The following SYN3 variants were observed in gnomAD, a reference collection of about 807,000 sequenced individuals.
SYN3 encodes the protein synapsin III.
SYN3 carries 35 observed loss-of-function variants against 65.8 expected under a neutral mutation model. That is an observed-to-expected ratio of 0.53 (90% confidence interval 0.41 to 0.70). The LOEUF (loss-of-function observed/expected upper bound fraction) is 0.70. Among genes scored for constraint, SYN3 ranks in the 30% least tolerant of loss-of-function variants. The probability of loss-of-function intolerance (pLI) is 0.00; values close to 1 mark genes in which losing one functional copy is unlikely to be tolerated. For missense variants in SYN3, 680 were observed against 749.0 expected (o/e 0.91, Z 1.08); for synonymous variants, 270 against 292.9 (o/e 0.92, Z 0.80).
At chr22:32,838,694 A>G (rs1016055655) in intron 6 of SYN3, among the ~76,000 whole-genome samples, 6 of 151,814 alleles carry the variant, frequency 4.0e-5, no homozygotes, top group Non-Finnish European at 5.9e-5. Context: ...TCCTTTTCTG[A>G]GTAACTCTAT....
chr22:32,912,947 G>T (rs895676589), intron 4 of SYN3, among the ~76,000 whole-genome samples: 2 of 152,064 alleles, frequency 1.3e-5, no homozygotes, highest in African/African-American at 2.4e-5. Flanking sequence ...AAAGCCCATA[G>T]ACTAAATAAC....
chr22:32,682,583 A>G (rs1008040152), intron 6 of SYN3, among the ~76,000 whole-genome samples: 4 of 152,152 alleles, frequency 2.6e-5, no homozygotes. Context: ...CTAGGCTTTC[A>G]TATACATTAT....
At chr22:32,780,088 A>G (rs2899195) in intron 6 of SYN3, among the ~76,000 whole-genome samples, 183 of 726 alleles carry the variant, frequency 0.25, no homozygotes, top group East Asian at 0.38. Flanking sequence ...AAGAGAGAGA[A>G]AAAAAGAGAA....
chr22:32,849,368 AG>A (rs1211610622), intron 6 of SYN3: 1 of 1,166,260 alleles, frequency 8.6e-7, no homozygotes, highest in Admixed American at 1.9e-5. Context: ...GGCTCCACAG[AG>A]GCTAGCGTGC....
chr22:32,834,299 C>T lies in SYN3; in HGVS notation c.711+30616G>A, dbSNP rs1002428441. On this transcript the variant is annotated intron_variant, in intron 6 of 13. Transcript: ENST00000358763. Reference sequence around the variant, plus strand: ...TCCCAAGTAGTTGGGATTACAGGTGCCCTCCACCACATCTGGCTAATTTAT... The same window carrying T: ...TCCCAAGTAGTTGGGATTACAGGTGTCCTCCACCACATCTGGCTAATTTAT... Among the ~76,000 whole-genome samples the T allele has an allele frequency of 2.6e-5, 4 of 151,060 alleles. No homozygotes were observed. The Admixed American group carries it at 2.7e-4, about 10-fold the overall frequency.
chr22:32,838,718 C>T (rs1185589306), intron 6 of SYN3, among the ~76,000 whole-genome samples: 3 of 152,016 alleles, frequency 2.0e-5, no homozygotes, highest in Admixed American at 6.5e-5. Flanking sequence ...ACAAGGACTC[C>T]TGACCCAGCA....
chr22:32,901,395 T>C (rs1240620856), intron 4 of SYN3, among the ~76,000 whole-genome samples: 34 of 152,218 alleles, frequency 2.2e-4, no homozygotes, highest in Non-Finnish European at 1.5e-4. Flanking sequence ...TGGCTTTTAG[T>C]TGATGCTACA....
rs371453162 is a variant in SYN3 at position 32,549,559 on chromosome 22, C to A, written c.775-7846G>T. Reference sequence around the variant, plus strand: ...TTAGTCACCATGACCAGCCAACATGCAAACTTTTATCAAGAATTTTTTTGT... The same window carrying A: ...TTAGTCACCATGACCAGCCAACATGAAAACTTTTATCAAGAATTTTTTTGT... On this transcript the variant is annotated intron_variant, in intron 7 of 13. Coordinates refer to ENST00000358763, the MANE Select transcript of SYN3 (RefSeq NM_003490.4). Among the ~76,000 whole-genome samples the A allele has an allele frequency of 1.2e-4, 19 of 152,298 alleles. No individual in the cohort carries two copies. In the East Asian group the frequency reaches 3.7e-3, roughly 29 times the overall value.
chr22:32,798,971 G>A (rs772401064), intron 6 of SYN3, among the ~76,000 whole-genome samples: 10 of 151,928 alleles, frequency 6.6e-5, no homozygotes, highest in Non-Finnish European at 1.0e-4. Context: ...GATTACAGGC[G>A]TGAGCCACCG....
At chr22:32,748,144 GT>G (rs1490151937) in intron 6 of SYN3, among the ~76,000 whole-genome samples, 2 of 152,166 alleles carry the variant, frequency 1.3e-5, no homozygotes, top group Non-Finnish European at 2.9e-5. Context: ...CCAAACCTCA[GT>G]TTTCCCACTT....
chr22:32,753,961 C>G (rs1407053865), intron 6 of SYN3, among the ~76,000 whole-genome samples: 1 of 152,242 alleles, frequency 6.6e-6, no homozygotes, highest in African/African-American at 2.4e-5. Context: ...GTAGGCAGCA[C>G]AGCAGTGGTC....
Position 32,518,100 on chromosome 22 carries a change from C to CT in SYN3, c.1552dup (p.Ser518LysfsTer7). On this transcript the variant is annotated frameshift_variant, in exon 13 of 14. Coordinates refer to ENST00000358763, the MANE Select transcript of SYN3 (RefSeq NM_003490.4). LOFTEE classifies it high-confidence loss of function. ...GGACTCTTCACCCTGCTGGGAGGTACTACGGCCCTGCACAGGGGGCCGGGG... is the reference window on the plus strand; with the variant it reads ...GGACTCTTCACCCTGCTGGGAGGTACTTACGGCCCTGCACAGGGGGCCGGGG... The CT allele has an allele frequency of 6.4e-7, 1 of 1,572,420 alleles. No homozygotes were observed. The highest frequency in any genetic ancestry group is 8.6e-7 in the Non-Finnish European group (1 of 1,160,798).
At chr22:32,875,095 G>A (rs1448818160) in intron 4 of SYN3, among the ~76,000 whole-genome samples, 3 of 152,196 alleles carry the variant, frequency 2.0e-5, no homozygotes, top group Non-Finnish European at 4.4e-5. Context: ...CCGCCAGCCC[G>A]AGGACTGCAA....
chr22:32,704,181 C>A (rs890843006), intron 6 of SYN3, among the ~76,000 whole-genome samples: 3 of 152,066 alleles, frequency 2.0e-5, no homozygotes, highest in Non-Finnish European at 4.4e-5. Context: ...AAGCCTAGTA[C>A]CTTATGTTTA....
chr22:32,961,643 G>T (rs2051655833), intron 3 of SYN3, among the ~76,000 whole-genome samples: 1 of 152,212 alleles, frequency 6.6e-6, no homozygotes, highest in Admixed American at 6.5e-5. Flanking sequence ...CAGTGGGTTT[G>T]GTCTTGCTGC....
intron 6 of SYN3, among the ~76,000 whole-genome samples, chr22:32,765,710 G>A (rs538548327): frequency 1.2e-3 from 183 of 152,242 alleles, no homozygotes; most frequent in Non-Finnish European, 5.9e-4. Context: ...GATAGAGAAG[G>A]GGAGGAGGAA....
At chr22:32,757,965 G>T (rs957592327) in intron 6 of SYN3, among the ~76,000 whole-genome samples, 5 of 152,234 alleles carry the variant, frequency 3.3e-5, no homozygotes, top group African/African-American at 1.2e-4. Flanking sequence ...CTATGACCAT[G>T]TGACCAGCTG....
intron 6 of SYN3, among the ~76,000 whole-genome samples, chr22:32,658,288 T>C (rs987131203): frequency 6.6e-6 from 1 of 152,240 alleles, no homozygotes; most frequent in Non-Finnish European, 1.5e-5. Context: ...GGGTAGGCTG[T>C]GCTGGCAGCA....
chr22:32,593,738 G>A (rs1171074327), intron 7 of SYN3, among the ~76,000 whole-genome samples: 2 of 152,154 alleles, frequency 1.3e-5, no homozygotes, highest in African/African-American at 4.8e-5. Flanking sequence ...AGAGCCTGAT[G>A]CTCTGGGAAG....
Sources: allele counts gnomAD v4.1 joint callset (sites outside exome capture counted in the v4.1 genomes callset), GRCh38; gene constraint gnomAD v4.1.1; transcripts MANE v1.5; gene names NCBI Gene and HGNC (gene_info 2026-07-23, HGNC 2026-07-21).